PLCXD3: variants seen among roughly 807,000 people sequenced by gnomAD.
PLCXD3 encodes the protein phosphatidylinositol specific phospholipase C X domain containing 3.
PLCXD3 carries 19 observed loss-of-function variants against 25.5 expected under a neutral mutation model. The ratio of observed to expected loss-of-function variants is 0.75; its 90% CI spans 0.52 to 1.09. PLCXD3 has a LOEUF of 1.09. Ranked by LOEUF, PLCXD3 falls within the 50% of genes least tolerant of loss-of-function variation. The pLI is 0.00. For missense variants in PLCXD3, 411 were observed against 388.1 expected (o/e 1.06, Z -0.50); for synonymous variants, 174 against 137.6 (o/e 1.26, Z -1.85).
At chr5:41,464,240 T>C (rs1747958531) in intron 1 of PLCXD3, among the ~76,000 whole-genome samples, 1 of 152,046 alleles carries the variant, frequency 6.6e-6, no homozygotes, top group Admixed American at 6.6e-5. Context: ...ATTTATTGAG[T>C]TCTCCCAATT....
intron 1 of PLCXD3, among the ~76,000 whole-genome samples, chr5:41,444,791 T>C (rs11749681): frequency 0.41 from 62,204 of 152,016 alleles, 14,358 homozygotes; most frequent in Non-Finnish European, 0.5. Flanking sequence ...AGCAAAGCCG[T>C]GCCTAAGTTA....
At chr5:41,359,644 A>T (rs1744719359) in intron 2 of PLCXD3, among the ~76,000 whole-genome samples, 2 of 152,130 alleles carry the variant, frequency 1.3e-5, no homozygotes, top group South Asian at 4.1e-4. Context: ...CCAATGGTCT[A>T]TCAATTTCAT....
chr5:41,454,367 G>A (rs1747704697), intron 1 of PLCXD3, among the ~76,000 whole-genome samples: 1 of 151,876 alleles, frequency 6.6e-6, no homozygotes, highest in Admixed American at 6.6e-5. Flanking sequence ...CTAAGTGCTG[G>A]CAGATTTGGT....
intron 1 of PLCXD3, among the ~76,000 whole-genome samples, chr5:41,431,797 C>T (rs1047565615): frequency 4.6e-5 from 7 of 152,082 alleles, no homozygotes; most frequent in Non-Finnish European, 8.8e-5. Context: ...TAAAGTGAGA[C>T]ACAGTTAATT....
intron 1 of PLCXD3, among the ~76,000 whole-genome samples, chr5:41,432,606 C>T (rs1747144280): frequency 6.6e-6 from 1 of 152,160 alleles, no homozygotes; most frequent in South Asian, 2.1e-4. Flanking sequence ...GAGAAAAGCA[C>T]ATAAGAGAGC....
In PLCXD3 at chr5:41,308,317, T is replaced by C. The variant is rs1464606480; in HGVS notation, c.*5300A>G. On this transcript the variant is annotated 3_prime_UTR_variant, in exon 3 of 3. Coordinates refer to ENST00000377801, the MANE Select transcript of PLCXD3 (RefSeq NM_001005473.3). ...GTGAAAGTATGTCTGATTAAATATA[T>C]GAGAAATATGCTAAAGAAATACTGT... 1.3e-5 allele frequency: 2 copies of C among 152,278 alleles called. No individual in the cohort carries two copies. Among genetic ancestry groups the C allele is most frequent in the East Asian group, 3.9e-4 (2 of 5,188 alleles). The allele number at this position is 152,278 out of a possible 1,614,324, so 9.4% of individuals were successfully genotyped here.
intron 2 of PLCXD3, among the ~76,000 whole-genome samples, chr5:41,342,580 A>G (rs1744182089): frequency 6.6e-6 from 1 of 152,144 alleles, no homozygotes; most frequent in African/African-American, 2.4e-5. Flanking sequence ...TACCTTCCAA[A>G]ACTGAAATAA....
In PLCXD3 at chr5:41,312,680, C is replaced by CTTCCTTTCCT. The variant is rs1449388228; in HGVS notation, c.*927_*936dup. 53 of 107,324 alleles carry CTTCCTTTCCT rather than the reference C, an allele frequency of 4.9e-4. No individual in the cohort carries two copies. Among genetic ancestry groups the CTTCCTTTCCT allele is most frequent in the African/African-American group, 1.6e-3 (46 of 28,068 alleles). 6.6% of individuals were successfully genotyped at this position (107,324 alleles called of 1,614,324 possible). On this transcript the variant is annotated 3_prime_UTR_variant, in exon 3 of 3. Coordinates refer to ENST00000377801, the MANE Select transcript of PLCXD3 (RefSeq NM_001005473.3). ...CCTCCCTTCCTCCCTCCCTTCCTTT[C>CTTCCTTTCCT]TTCCTTTCCTTCCTTCCTTCCTTCC...
chr5:41,492,400 A>C (rs1211805678), intron 1 of PLCXD3, among the ~76,000 whole-genome samples: 4 of 151,882 alleles, frequency 2.6e-5, no homozygotes, highest in African/African-American at 7.3e-5. Flanking sequence ...GGTGAATCTG[A>C]CAATTATGTG....
At chr5:41,457,456 A>C (rs574870649) in intron 1 of PLCXD3, among the ~76,000 whole-genome samples, 2 of 152,020 alleles carry the variant, frequency 1.3e-5, no homozygotes, top group African/African-American at 2.4e-5. Flanking sequence ...TGGGAGTTCC[A>C]AATCTCCTCT....
chr5:41,318,509 T>C (rs1272954442), intron 2 of PLCXD3, among the ~76,000 whole-genome samples: 1 of 152,164 alleles, frequency 6.6e-6, no homozygotes, highest in Non-Finnish European at 1.5e-5. Flanking sequence ...ATGCAAATAA[T>C]GTAAAGTTGT....
chr5:41,315,686 C>A (rs1171417268), intron 2 of PLCXD3, among the ~76,000 whole-genome samples: 13 of 152,110 alleles, frequency 8.5e-5, no homozygotes, highest in Non-Finnish European at 1.8e-4. Context: ...TCACTGACAC[C>A]CTCCCTCTCA....
At chr5:41,423,055 T>C (rs1237293146) in intron 1 of PLCXD3, among the ~76,000 whole-genome samples, 3 of 152,184 alleles carry the variant, frequency 2.0e-5, no homozygotes, top group Non-Finnish European at 4.4e-5. Flanking sequence ...ATGCCTTTTC[T>C]ATATTTGTGA....
chr5:41,375,788 C>T (rs2150490511), intron 2 of PLCXD3, among the ~76,000 whole-genome samples: 1 of 152,200 alleles, frequency 6.6e-6, no homozygotes, highest in South Asian at 2.1e-4. Flanking sequence ...TAAATGCAGC[C>T]AGTGCTAAGC....
rs967480718 is a variant in PLCXD3, at chr5:41,312,819, A to G, written c.*798T>C. The G allele has an allele frequency of 6.6e-6, 1 of 152,190 alleles. No individual in the cohort carries two copies. The highest frequency in any genetic ancestry group is 1.5e-5 in the Non-Finnish European group (1 of 67,998). The allele number at this position is 152,190 out of a possible 1,614,324, so 9.4% of individuals were successfully genotyped here. A position where few individuals can be genotyped will look rare whatever the true frequency, so the allele number is the denominator to read the frequency against. On this transcript the variant is annotated 3_prime_UTR_variant, in exon 3 of 3. Transcript: ENST00000377801. ...GAGTTTTCAATTTTAACACACTTGT[A>G]CCTTACCATTTACTGGGTACTTGCA...
intron 1 of PLCXD3, among the ~76,000 whole-genome samples, chr5:41,436,434 T>C (rs1433337749): frequency 6.6e-6 from 1 of 152,142 alleles, no homozygotes; most frequent in Non-Finnish European, 1.5e-5. Context: ...GCAGATACTG[T>C]TGAAAATAGT....
intron 1 of PLCXD3, among the ~76,000 whole-genome samples, chr5:41,480,208 G>C (rs1748369691): frequency 1.3e-5 from 2 of 152,060 alleles, no homozygotes; most frequent in African/African-American, 4.8e-5. Context: ...TACTGAGAAA[G>C]GTTCTAAACT....
intron 1 of PLCXD3, among the ~76,000 whole-genome samples, chr5:41,421,558 G>A (rs1200275566): frequency 2.0e-5 from 3 of 152,196 alleles, no homozygotes; most frequent in Non-Finnish European, 2.9e-5. Context: ...AAAATTAACC[G>A]GGCGCGGTGG....
intron 1 of PLCXD3, among the ~76,000 whole-genome samples, chr5:41,483,039 C>G (rs1580395512): frequency 6.6e-6 from 1 of 152,222 alleles, no homozygotes; most frequent in African/African-American, 2.4e-5. Flanking sequence ...TTTTTTGTGA[C>G]TGGTTTATTT....
Sources: allele counts gnomAD v4.1 joint callset (sites outside exome capture counted in the v4.1 genomes callset), GRCh38; gene constraint gnomAD v4.1.1; transcripts MANE v1.5; gene names NCBI Gene and HGNC (gene_info 2026-07-23, HGNC 2026-07-21).